NECTIN2: variants seen among roughly 807,000 people sequenced by gnomAD.
NECTIN2 encodes the protein nectin cell adhesion molecule 2.
A neutral mutation model predicts 56.9 loss-of-function variants in NECTIN2; 23 were observed. That is an observed-to-expected ratio of 0.40 (90% CI 0.29 to 0.57). NECTIN2 has a LOEUF of 0.57. Ranked by LOEUF, NECTIN2 falls within the 20% of genes least tolerant of loss-of-function variation. The pLI, the probability that NECTIN2 is intolerant of heterozygous loss-of-function variation, is 0.38. For missense variants in NECTIN2, 587 were observed against 718.3 expected, an observed-to-expected ratio of 0.82 and a Z score of 2.09; for synonymous variants, 302 against 313.8, an observed-to-expected ratio of 0.96 and a Z score of 0.40.
chr19:44,880,175 A>ACT (rs768675916), intron 5 of NECTIN2, among the ~76,000 whole-genome samples: 8 of 151,614 alleles, frequency 5.3e-5, no homozygotes, highest in Non-Finnish European at 1.0e-4. Context: ...TGTTGTCTGT[A>ACT]CTCACCCACC....
At chr19:44,883,030 C>T (rs534874302) in intron 6 of NECTIN2, among the ~76,000 whole-genome samples, 1 of 152,276 alleles carries the variant, frequency 6.6e-6, no homozygotes, top group Non-Finnish European at 1.5e-5. Context: ...ATCCCCCCTC[C>T]TCAGACTCCA....
Position 44,865,960 on chromosome 19 carries a change from G to A in NECTIN2, c.478+300G>A, listed in dbSNP as rs142778802. On this transcript the variant is annotated intron_variant, in intron 2 of 8. Transcript: ENST00000252483. This position sits in a 1 kb window ranked among gnomAD's most constrained non-coding sequence, Gnocchi z 5.2. ...GGCCGAGATGGGCAGATCGCCTGAG[G>A]TCAGGAGTTCAAGACCAGCCTGGCC... 5.9e-3 allele frequency among the ~76,000 whole-genome samples: 902 copies of A among 152,258 alleles called. 9 individuals are homozygous for A. Among genetic ancestry groups the A allele is most frequent in the African/African-American group, 0.021 (869 of 41,534 alleles).
intron 1 of NECTIN2, among the ~76,000 whole-genome samples, chr19:44,854,787 C>G (rs1025428306): frequency 6.8e-6 from 1 of 147,716 alleles, no homozygotes; most frequent in Non-Finnish European, 1.5e-5. Context: ...CACTCCAGCC[C>G]GGGCAACAGA....
In NECTIN2 at chr19:44,874,614, A is replaced by G; in HGVS notation, c.1042+136A>G. 8.7e-7 allele frequency: 1 copy of G among 1,150,440 alleles called. No homozygotes were observed. Among genetic ancestry groups the G allele is most frequent in the Non-Finnish European group, 1.2e-6 (1 of 811,786 alleles). 71.3% of individuals were successfully genotyped at this position (1,150,440 alleles called of 1,614,324 possible). A position where few individuals can be genotyped will look rare whatever the true frequency, so the allele number is the denominator to read the frequency against. On this transcript the variant is annotated intron_variant, in intron 5 of 8. Transcript: ENST00000252483. The surrounding 1 kb of genome is among the most constrained non-coding windows in gnomAD (Gnocchi z 6.3). ...GATGCAGACCTGCCTGGCTGAGGGGAGATGAGGGTTGGCCTTCCCCTCGTG... is the reference window on the plus strand; with the variant it reads ...GATGCAGACCTGCCTGGCTGAGGGGGGATGAGGGTTGGCCTTCCCCTCGTG...
Position 44,851,450 on chromosome 19 carries a change from G to A in NECTIN2, c.88+4837G>A, listed in dbSNP as rs185441801. On this transcript the variant is annotated intron_variant, in intron 1 of 8. Coordinates refer to ENST00000252483, the MANE Select transcript of NECTIN2 (RefSeq NM_001042724.2). ...GCCCCCTCCTTTCTCAGACCCAGGA[G>A]TCCAAGCCCCCAACCTCTCCTCCAG... is the stretch of plus-strand genomic sequence containing the variant. Among the ~76,000 whole-genome samples the A allele has an allele frequency of 2.1e-4, 32 of 152,178 alleles. No individual in the cohort carries two copies. In the East Asian group the frequency reaches 6.0e-3, roughly 29 times the overall value.
chr19:44,872,196 T>C (rs1218529404), intron 3 of NECTIN2, 47 bp downstream of exon 3: 1 of 1,586,520 alleles, frequency 6.3e-7, no homozygotes, highest in African/African-American at 1.3e-5. Context: ...CTGCCTACAC[T>C]GGCTTCTCTA....
intron 1 of NECTIN2, among the ~76,000 whole-genome samples, chr19:44,853,678 G>A (rs1025151390): frequency 1.5e-4 from 23 of 151,816 alleles, no homozygotes; most frequent in Admixed American, 5.3e-4. Flanking sequence ...TAGTAGAGAC[G>A]GGGTTTCACC....
intron 3 of NECTIN2, 25 bp from the exon 4 acceptor site, chr19:44,873,891 G>A: frequency 6.4e-7 from 1 of 1,554,470 alleles, no homozygotes; most frequent in Non-Finnish European, 8.9e-7. Context: ...CCTCCTTGCT[G>A]ATCCAGTCCC....
intron 5 of NECTIN2, among the ~76,000 whole-genome samples, chr19:44,879,318 G>A (rs551785804): frequency 1.5e-4 from 23 of 152,196 alleles, no homozygotes; most frequent in South Asian, 6.2e-4. Flanking sequence ...GGGGACAGCA[G>A]GGGCTCAGCC....
At chr19:44,863,853 A>AAG (rs1969062287) in intron 1 of NECTIN2, among the ~76,000 whole-genome samples, 1 of 151,542 alleles carries the variant, frequency 6.6e-6, no homozygotes, top group African/African-American at 2.4e-5. Context: ...AAAAAAAAAA[A>AAG]GAAACTTGAG....
chr19:44,863,717 C>T (rs1490516668), intron 1 of NECTIN2, among the ~76,000 whole-genome samples: 12 of 151,472 alleles, frequency 7.9e-5, no homozygotes, highest in Non-Finnish European at 1.6e-4. Context: ...TGGTGGCGGG[C>T]GCCTGTAATC....
chr19:44,875,598 G>A lies in NECTIN2; in HGVS notation c.1042+1120G>A, dbSNP rs995093402. On this transcript the variant is annotated intron_variant, in intron 5 of 8. Transcript: ENST00000252483. This position sits in a 1 kb window ranked among gnomAD's most constrained non-coding sequence, Gnocchi z 4.2. The stretch of plus-strand genomic sequence containing the variant: ...GACATTCTTAGAAACACGCCAGGGC[G>A]ACGGTCCATGCAGCACACCTGTGCA... Among the ~76,000 whole-genome samples, 12 of 152,170 alleles carry A rather than the reference G, an allele frequency of 7.9e-5. No homozygotes were observed. The highest frequency in any genetic ancestry group is 4.1e-4 in the South Asian group (2 of 4,830).
At chr19:44,878,165 C>T in intron 5 of NECTIN2, 1 of 626,600 alleles carries the variant, frequency 1.6e-6, no homozygotes, top group Non-Finnish European at 2.9e-6. Flanking sequence ...CAGAGCGATC[C>T]TCGTGATCTT....
At chr19:44,868,912 G>A (rs1433833655) in intron 2 of NECTIN2, among the ~76,000 whole-genome samples, 3 of 143,990 alleles carry the variant, frequency 2.1e-5, no homozygotes, top group Admixed American at 6.9e-5. Flanking sequence ...ACTCTGTCTG[G>A]AAAAAAAAAA....
intron 1 of NECTIN2, among the ~76,000 whole-genome samples, chr19:44,854,500 G>C (rs1286490006): frequency 6.6e-6 from 1 of 152,146 alleles, no homozygotes; most frequent in African/African-American, 2.4e-5. Flanking sequence ...GAAGCCACAG[G>C]ACTGCTCCTT....
At chr19:44,883,025 C>T (rs1969325434) in intron 6 of NECTIN2, among the ~76,000 whole-genome samples, 1 of 152,110 alleles carries the variant, frequency 6.6e-6, no homozygotes, top group African/African-American at 2.4e-5. Flanking sequence ...TTGGGATCCC[C>T]CCTCCTCAGA....
chr19:44,878,549 C>G, intron 5 of NECTIN2: 1 of 1,613,964 alleles, frequency 6.2e-7, no homozygotes. Flanking sequence ...GCCTCCACCC[C>G]CAGCACTCGA....
rs1438248967 is a variant in NECTIN2 at position 44,875,507 on chromosome 19, C to T, written c.1042+1029C>T. The stretch of plus-strand genomic sequence containing the variant: ...TCTCGAACTGCTGACCTCAGGTGAT[C>T]CACCCGCCTCGGCCTCACGAAGTGC... On this transcript the variant is annotated intron_variant, in intron 5 of 8. Transcript: ENST00000252483. The surrounding 1 kb of genome is among the most constrained non-coding windows in gnomAD (Gnocchi z 4.2). Among the ~76,000 whole-genome samples the T allele has an allele frequency of 6.6e-6, 1 of 152,204 alleles. No homozygotes were observed. Among genetic ancestry groups the T allele is most frequent in the African/African-American group, 2.4e-5 (1 of 41,452 alleles).
intron 2 of NECTIN2, 35 bp from the exon 3 acceptor site, chr19:44,871,818 G>A: frequency 6.3e-7 from 1 of 1,597,226 alleles, no homozygotes; most frequent in South Asian, 1.1e-5. Context: ...GACTGCCGGT[G>A]AGGAGTGACG....
Sources: gnomAD v4.1 joint callset for allele counts (sites outside exome capture counted in the v4.1 genomes callset) on GRCh38, gnomAD v4.1.1 for gene constraint, Gnocchi (gnomAD v3.1) non-coding constraint, MANE v1.5 for transcripts, NCBI Gene and HGNC (gene_info 2026-07-23, HGNC 2026-07-21) for gene names.